The following SPAG17 variants were observed in gnomAD, a reference collection of about 807,000 sequenced individuals.
The protein encoded by SPAG17 is sperm-associated antigen 17.
SPAG17 carries 169 observed loss-of-function variants against 273.6 expected under a neutral mutation model. The ratio of observed to expected loss-of-function variants is 0.62; its 90% confidence interval spans 0.55 to 0.70. The LOEUF (loss-of-function observed/expected upper bound fraction) is 0.70, where lower values mean the gene tolerates loss of function less well. Among genes scored for constraint, SPAG17 ranks in the 30% least tolerant of loss-of-function variants. The pLI is 0.00. For synonymous variants in SPAG17, 825 were observed against 873.2 expected (o/e 0.94, Z 0.97); for missense variants, 2,557 against 2,627.8 (o/e 0.97, Z 0.59).
intron 36 of SPAG17, 21 bp from the exon 37 acceptor site, chr1:117,991,549 A>G: frequency 6.9e-7 from 1 of 1,447,466 alleles, no homozygotes; most frequent in South Asian, 1.2e-5. Context: ...AGAATAAAAT[A>G]CATAGACAAA....
rs139649934 is a variant in SPAG17, at chr1:118,015,061, G to A, written c.4287+904C>T. 9.7e-4 allele frequency among the ~76,000 whole-genome samples: 148 copies of A among 152,004 alleles called. 2 individuals carry two copies. The highest frequency in any genetic ancestry group is 3.5e-3 in the African/African-American group (144 of 41,452). On this transcript the variant is annotated intron_variant, in intron 29 of 48. Coordinates refer to ENST00000336338, the MANE Select transcript of SPAG17 (RefSeq NM_206996.4). ...GCACTTTAGGAGGCTGAGGCGGGCC[G>A]ATCACCTGAAGTCAGGAGTTGGAGG... is the stretch of plus-strand genomic sequence containing the variant.
intron 3 of SPAG17, among the ~76,000 whole-genome samples, chr1:118,127,282 G>A (rs1214610566): frequency 1.3e-5 from 2 of 152,146 alleles, no homozygotes; most frequent in Non-Finnish European, 2.9e-5. Flanking sequence ...AAAGAGAAGA[G>A]GTTTAATTGA....
Position 117,953,913 on chromosome 1 carries a change from C to T in SPAG17, c.*137G>A. On this transcript the variant is annotated 3_prime_UTR_variant, in exon 49 of 49. Coordinates refer to ENST00000336338, the MANE Select transcript of SPAG17 (RefSeq NM_206996.4). ...TTTATTAAACAGATTGAAGCTATTT[C>T]ATTTGGCAAATTTCTGGTCAGTTCT... 1 of 1,028,438 alleles carries T rather than the reference C, an allele frequency of 9.7e-7. No homozygotes were observed. The highest frequency in any genetic ancestry group is 1.4e-6 in the Non-Finnish European group (1 of 691,054). 63.7% of individuals were successfully genotyped at this position (1,028,438 alleles called of 1,614,324 possible). A position where few individuals can be genotyped will look rare whatever the true frequency, so the allele number is the denominator to read the frequency against.
intron 31 of SPAG17, among the ~76,000 whole-genome samples, chr1:118,007,052 T>C (rs765742597): frequency 2.0e-5 from 3 of 152,208 alleles, no homozygotes; most frequent in Non-Finnish European, 4.4e-5. Context: ...TTCTATTCTG[T>C]AGTTTATCTT....
At chr1:118,163,846 C>T (rs1265141691) in intron 1 of SPAG17, among the ~76,000 whole-genome samples, 1 of 152,182 alleles carries the variant, frequency 6.6e-6, no homozygotes, top group Admixed American at 6.5e-5. Flanking sequence ...TCACCACCAG[C>T]ACCACCACCA....
At chr1:117,976,803 C>T (rs1311782426) in intron 43 of SPAG17, among the ~76,000 whole-genome samples, 1 of 152,200 alleles carries the variant, frequency 6.6e-6, no homozygotes, top group Non-Finnish European at 1.5e-5. Context: ...TTTTAAGCCA[C>T]TACAGGATTT....
intron 1 of SPAG17, among the ~76,000 whole-genome samples, chr1:118,167,643 GGAT>G (rs1369383016): frequency 6.6e-6 from 1 of 152,110 alleles, no homozygotes; most frequent in African/African-American, 2.4e-5. Context: ...AATAATTTGA[GGAT>G]GATAATTAAC....
chr1:118,016,465 ACTT>A (rs1258194381), intron 28 of SPAG17, among the ~76,000 whole-genome samples: 1 of 152,094 alleles, frequency 6.6e-6, no homozygotes, highest in East Asian at 1.9e-4. Context: ...ATTCTGGTCA[ACTT>A]CTGTACTCTT....
At chr1:118,054,715 T>G (rs1445834914) in intron 19 of SPAG17, among the ~76,000 whole-genome samples, 1 of 152,028 alleles carries the variant, frequency 6.6e-6, no homozygotes, top group Non-Finnish European at 1.5e-5. Flanking sequence ...TATAGTCCTA[T>G]CTATTTATTT....
chr1:117,987,375 T>C (rs1460095746), intron 40 of SPAG17, among the ~76,000 whole-genome samples: 1 of 152,222 alleles, frequency 6.6e-6, no homozygotes, highest in Non-Finnish European at 1.5e-5. Flanking sequence ...ATAGATAGTT[T>C]CATGAGTACT....
chr1:118,166,968 G>A (rs1238074479), intron 1 of SPAG17, among the ~76,000 whole-genome samples: 1 of 151,798 alleles, frequency 6.6e-6, no homozygotes, highest in African/African-American at 2.4e-5. Flanking sequence ...TACTTTTTGA[G>A]GCTCAACTAA....
chr1:118,016,718 T>C (rs774967297), intron 28 of SPAG17, among the ~76,000 whole-genome samples: 8 of 152,336 alleles, frequency 5.3e-5, no homozygotes, highest in Admixed American at 2.6e-4. Context: ...CGCATATCCC[T>C]GGGGAGAGGA....
chr1:117,994,332 CTT>C (rs2101664182), intron 35 of SPAG17, 72 bp downstream of exon 35: 1 of 1,455,442 alleles, frequency 6.9e-7, no homozygotes, highest in South Asian at 1.4e-5. Context: ...TGGGAGAAGA[CTT>C]AAGACTCTGG....
chr1:118,083,299 A>G (rs1191223316), intron 13 of SPAG17, among the ~76,000 whole-genome samples: 2 of 152,126 alleles, frequency 1.3e-5, no homozygotes, highest in Non-Finnish European at 2.9e-5. Flanking sequence ...GTTTTCAGTT[A>G]CAAAGGCACA....
At chr1:117,977,300 G>A (rs554793735) in intron 43 of SPAG17, among the ~76,000 whole-genome samples, 23 of 152,200 alleles carry the variant, frequency 1.5e-4, no homozygotes, top group African/African-American at 4.6e-4. Context: ...TAGCCTGGGC[G>A]ACAGAGCAAG....
intron 28 of SPAG17, 106 bp downstream of exon 28, chr1:118,023,198 T>G (rs1647308275): frequency 1.4e-6 from 1 of 710,734 alleles, no homozygotes; most frequent in Non-Finnish European, 2.1e-6. Context: ...ATAAATATAT[T>G]TGTAGAAGAG....
rs770924560 is a variant in SPAG17 at position 118,151,250 on chromosome 1, C to T, written c.207G>A (p.Ser69=). The change falls in exon 2 of 49, where the codon TCG becomes TCA. Residue 69 remains serine (S), a synonymous_variant. Transcript: ENST00000336338. ...VPQRKLFSMV[S]WQDILQQINE... is the part of the protein sequence containing the mutation. ...GTACCTGCTGGAGAATGTCTTGCCA[C>T]GACACCATACTGAAGAGTTTACGCT... 19 of 1,591,874 alleles carry T rather than the reference C, an allele frequency of 1.2e-5. No homozygotes were observed. The highest frequency in any genetic ancestry group is 1.2e-4 in the South Asian group (10 of 86,782).
At chr1:117,981,713 G>A (rs1407057900) in intron 42 of SPAG17, among the ~76,000 whole-genome samples, 3 of 152,142 alleles carry the variant, frequency 2.0e-5, no homozygotes, top group Non-Finnish European at 2.9e-5. Flanking sequence ...TGTAGAAGAG[G>A]CCAAGTAATT....
intron 3 of SPAG17, among the ~76,000 whole-genome samples, chr1:118,148,058 T>C (rs954004116): frequency 1.3e-5 from 2 of 152,216 alleles, no homozygotes; most frequent in Non-Finnish European, 2.9e-5. Context: ...GTGAGTTCCT[T>C]ATCTCCAAAA....
Sources: gnomAD v4.1 joint callset for allele counts (sites outside exome capture counted in the v4.1 genomes callset) on GRCh38, gnomAD v4.1.1 for gene constraint, MANE v1.5 for transcripts, NCBI Gene and HGNC (gene_info 2026-07-23, HGNC 2026-07-21) for gene names.